Variants in MDGA2 observed in about 807,000 individuals in gnomAD.
MDGA2 encodes the protein MAM domain-containing glycosylphosphatidylinositol anchor protein 2.
MDGA2 carries 40 observed loss-of-function variants against 117.8 expected under a neutral mutation model. The ratio of observed to expected loss-of-function variants is 0.34; its 90% CI spans 0.26 to 0.44. MDGA2 has a LOEUF of 0.44. MDGA2 is among the 20% of genes least tolerant of loss of function. MDGA2 has a pLI of 1.00. For missense variants in MDGA2, 1,123 were observed against 1,250.6 expected (o/e 0.90, Z 1.54); for synonymous variants, 452 against 439.0 (o/e 1.03, Z -0.37).
In MDGA2 at chr14:47,025,710, C is replaced by CAA. The variant is rs11454541; in HGVS notation, c.1819+9299_1819+9300dup. On this transcript the variant is annotated intron_variant, in intron 8 of 16. Coordinates refer to ENST00000399232, the MANE Select transcript of MDGA2 (RefSeq NM_001113498.3). The stretch of plus-strand genomic sequence containing the variant: ...CAAGCTAGAGCCTCCTTCTCCACCA[C>CAA]AAAAAAAAAAAAAATTATATTTTGG... 5.1e-3 allele frequency among the ~76,000 whole-genome samples: 720 copies of CAA among 141,782 alleles called. 4 individuals carry two copies. The highest frequency in any genetic ancestry group is 0.011 in the Middle Eastern group (3 of 264). The allele number at this position is 141,782 out of a possible 152,430, so 93.0% of individuals were successfully genotyped here.
chr14:47,112,648 G>C (rs148064548), intron 5 of MDGA2, among the ~76,000 whole-genome samples: 1 of 152,124 alleles, frequency 6.6e-6, no homozygotes, highest in Non-Finnish European at 1.5e-5. Context: ...TCACTGATGG[G>C]CATTTGGGTT....
intron 1 of MDGA2, among the ~76,000 whole-genome samples, chr14:47,601,361 C>G (rs1292534299): frequency 1.3e-5 from 2 of 152,054 alleles, no homozygotes; most frequent in African/African-American, 4.8e-5. Flanking sequence ...TGACTTTCTT[C>G]ACCAGTCTCT....
intron 3 of MDGA2, among the ~76,000 whole-genome samples, chr14:47,164,940 T>C (rs1883802781): frequency 1.3e-5 from 2 of 152,226 alleles, no homozygotes; most frequent in South Asian, 4.1e-4. Context: ...GATGAGTTCC[T>C]GTCCTTTGTA....
Position 46,918,502 on chromosome 14 carries a change from T to C in MDGA2, c.2238+1510A>G, listed in dbSNP as rs1883986847. Among the ~76,000 whole-genome samples the C allele has an allele frequency of 2.0e-5, 3 of 152,154 alleles. No individual in the cohort carries two copies. The South Asian group carries it at 6.2e-4, about 32-fold the overall frequency. On this transcript the variant is annotated intron_variant, in intron 10 of 16. Transcript: ENST00000399232. ...TTCTATCTTCTCTGTTTAAGAAAAT[T>C]AGCAAATTAGAATGGGTAGAACGAT... is the stretch of plus-strand genomic sequence containing the variant.
intron 1 of MDGA2, among the ~76,000 whole-genome samples, chr14:47,415,142 G>A (rs1463096591): frequency 5.3e-5 from 8 of 152,036 alleles, no homozygotes; most frequent in Non-Finnish European, 1.2e-4. Context: ...CAGATGCAGA[G>A]TAATTTCTAT....
chr14:47,575,121 A>G (rs1160323644), intron 1 of MDGA2, among the ~76,000 whole-genome samples: 2 of 152,192 alleles, frequency 1.3e-5, no homozygotes, highest in Non-Finnish European at 1.5e-5. Context: ...TTCTGAGTAG[A>G]TAATTTCTAA....
At chr14:46,972,026 T>G (rs1886288521) in intron 8 of MDGA2, among the ~76,000 whole-genome samples, 1 of 152,286 alleles carries the variant, frequency 6.6e-6, no homozygotes, top group East Asian at 1.9e-4. Flanking sequence ...TGAGTTCATC[T>G]AGTCAACTAT....
chr14:47,613,789 C>T (rs1259993010), intron 1 of MDGA2, among the ~76,000 whole-genome samples: 3 of 152,052 alleles, frequency 2.0e-5, no homozygotes, highest in African/African-American at 7.2e-5. Context: ...TTTCATGTCA[C>T]ACTAAAAATA....
intron 8 of MDGA2, among the ~76,000 whole-genome samples, chr14:47,002,422 T>C (rs916084476): frequency 3.9e-5 from 6 of 152,062 alleles, no homozygotes; most frequent in African/African-American, 1.4e-4. Context: ...TTCAATAACT[T>C]ATCTCTTACA....
chr14:46,910,259 A>T (rs1883647828), intron 10 of MDGA2, among the ~76,000 whole-genome samples: 1 of 151,838 alleles, frequency 6.6e-6, no homozygotes, highest in African/African-American at 2.4e-5. Flanking sequence ...AATCCTCCAG[A>T]TTTTGCCACA....
In MDGA2 at chr14:47,321,521, A is replaced by G. The variant is rs568733922; in HGVS notation, c.281-19971T>C. Reference sequence around the variant, plus strand: ...CAACATTCAATGCCAGTTGTCTCCCACCAGAGAATGAGATTACCATCTGCT... The same window carrying G: ...CAACATTCAATGCCAGTTGTCTCCCGCCAGAGAATGAGATTACCATCTGCT... On this transcript the variant is annotated intron_variant, in intron 1 of 16. Transcript: ENST00000399232. Among the ~76,000 whole-genome samples, 32 of 152,286 alleles carry G rather than the reference A, an allele frequency of 2.1e-4. No individual in the cohort carries two copies. The South Asian group carries it at 6.2e-3, about 30-fold the overall frequency.
At chr14:47,670,239 C>T (rs899444999) in intron 1 of MDGA2, among the ~76,000 whole-genome samples, 18 of 152,128 alleles carry the variant, frequency 1.2e-4, no homozygotes, top group African/African-American at 4.3e-4. Flanking sequence ...GTGAATTAAC[C>T]ATTTCAGGAC....
At chr14:47,251,425 T>C (rs1887440842) in intron 2 of MDGA2, among the ~76,000 whole-genome samples, 1 of 152,202 alleles carries the variant, frequency 6.6e-6, no homozygotes, top group African/African-American at 2.4e-5. Context: ...CTTCAAAAGT[T>C]AGAACAGTCC....
chr14:47,425,828 A>T lies in MDGA2; in HGVS notation c.281-124278T>A, dbSNP rs143924547. 2.8e-4 allele frequency among the ~76,000 whole-genome samples: 43 copies of T among 152,208 alleles called. No homozygotes were observed. The East Asian group carries it at 8.1e-3, about 29-fold the overall frequency. On this transcript the variant is annotated intron_variant, in intron 1 of 16. Transcript: ENST00000399232. ...CCTCTACCCAGCTTTCCTTTATGTA[A>T]AAGTCTTACATAGCCACAGAATATT... is the stretch of plus-strand genomic sequence containing the variant.
At chr14:47,432,038 T>G (rs150787547) in intron 1 of MDGA2, among the ~76,000 whole-genome samples, 2,074 of 152,184 alleles carry the variant, frequency 0.014, 50 homozygotes, top group Admixed American at 0.052. Context: ...CAATGGAGAT[T>G]AACATAAATG....
chr14:47,539,631 A>G (rs1208000488), intron 1 of MDGA2, among the ~76,000 whole-genome samples: 3 of 152,192 alleles, frequency 2.0e-5, no homozygotes, highest in Non-Finnish European at 4.4e-5. Context: ...AGTGAACTAT[A>G]CAGATTGTTT....
intron 1 of MDGA2, among the ~76,000 whole-genome samples, chr14:47,501,493 G>A (rs1361501736): frequency 6.6e-6 from 1 of 152,148 alleles, no homozygotes; most frequent in Non-Finnish European, 1.5e-5. Flanking sequence ...TTTATTATGA[G>A]TTGAACTGTG....
chr14:46,925,380 C>T (rs1231612610), intron 9 of MDGA2, among the ~76,000 whole-genome samples: 1 of 151,620 alleles, frequency 6.6e-6, no homozygotes, highest in Admixed American at 6.6e-5. Flanking sequence ...GCCTGTAATC[C>T]CAGCACTTTG....
intron 6 of MDGA2, among the ~76,000 whole-genome samples, chr14:47,088,061 TA>T (rs766775031): frequency 3.3e-5 from 5 of 152,034 alleles, no homozygotes; most frequent in Non-Finnish European, 5.9e-5. Context: ...TATCATTACA[TA>T]AAATTAGGAG....
Sources: allele counts gnomAD v4.1 joint callset (sites outside exome capture counted in the v4.1 genomes callset), GRCh38; gene constraint gnomAD v4.1.1; transcripts MANE v1.5; gene names NCBI Gene and HGNC (gene_info 2026-07-23, HGNC 2026-07-21).